CPVL: variants seen among roughly 807,000 people sequenced by gnomAD.
CPVL encodes the protein carboxypeptidase vitellogenic like, also known as probable serine carboxypeptidase CPVL.
CPVL carries 51 observed loss-of-function variants against 63.7 expected under a neutral mutation model. The ratio of observed to expected loss-of-function variants is 0.80; its 90% confidence interval spans 0.64 to 1.01. The LOEUF is 1.01. Among genes scored for constraint, CPVL ranks in the 50% least tolerant of loss-of-function variants. The pLI, the probability that CPVL is intolerant of heterozygous loss-of-function variation, is 0.00. For missense variants in CPVL, 530 were observed against 573.1 expected (o/e 0.92, Z 0.77); for synonymous variants, 195 against 206.0 (o/e 0.95, Z 0.46).
At position 29,019,134 on chromosome 7, in the gene CPVL, T is replaced by C. The variant is rs117421744; in HGVS notation, c.1320+11443A>G. ...CTGAAAGACACTACACTATTCCACA[T>C]TGCATTGCTGGCTGAGCCCCTCTGG... On this transcript the variant is annotated intron_variant, in intron 12 of 12. Transcript: ENST00000265394. 2.6e-3 allele frequency among the ~76,000 whole-genome samples: 403 copies of C among 152,242 alleles called. 7 individuals carry two copies. The East Asian group carries it at 0.028, about 10-fold the overall frequency.
At chr7:29,036,696 T>C (rs1468789590) in intron 11 of CPVL, among the ~76,000 whole-genome samples, 1 of 152,224 alleles carries the variant, frequency 6.6e-6, no homozygotes, top group Non-Finnish European at 1.5e-5. Flanking sequence ...AGCCTGGAAT[T>C]CAAAATCACA....
At chr7:29,024,992 A>G (rs1201184200) in intron 12 of CPVL, among the ~76,000 whole-genome samples, 1 of 152,260 alleles carries the variant, frequency 6.6e-6, no homozygotes, top group East Asian at 1.9e-4. Context: ...AAGCAATAAA[A>G]GAGGAAGAAC....
intron 1 of CPVL, among the ~76,000 whole-genome samples, chr7:29,140,788 C>T (rs1015946840): frequency 1.3e-5 from 2 of 152,118 alleles, no homozygotes; most frequent in Admixed American, 6.5e-5. Context: ...AAAAAGTGAC[C>T]TTAGACAGGC....
upstream of CPVL, chr7:29,146,560 C>G (rs1338974548): frequency 6.5e-7 from 1 of 1,535,148 alleles, no homozygotes; most frequent in Non-Finnish European, 8.8e-7. Flanking sequence ...GAACTCGAGC[C>G]TTTAAGCGCT....
intron 11 of CPVL, among the ~76,000 whole-genome samples, chr7:29,037,282 C>T (rs1226258857): frequency 6.6e-6 from 1 of 152,000 alleles, no homozygotes; most frequent in African/African-American, 2.4e-5. Flanking sequence ...TGGTGGCTCA[C>T]ACCTATAATC....
chr7:29,178,422 C>T (rs1342670091), intron 5 of CPVL, among the ~76,000 whole-genome samples: 3 of 152,106 alleles, frequency 2.0e-5, no homozygotes, highest in African/African-American at 4.8e-5. Flanking sequence ...CTCCACTGGC[C>T]GCCTTTCCTG....
chr7:28,996,549 C>CAA (rs549584191), intron 12 of CPVL, among the ~76,000 whole-genome samples: 4 of 113,558 alleles, frequency 3.5e-5, no homozygotes, highest in African/African-American at 5.8e-5. Context: ...AACCAAAAAA[C>CAA]AAAAAAAAAA....
chr7:29,121,309 T>TG (rs1789348786), intron 1 of CPVL, among the ~76,000 whole-genome samples: 1 of 148,830 alleles, frequency 6.7e-6, no homozygotes, highest in Non-Finnish European at 1.5e-5. Context: ...AATTACTGAT[T>TG]TTTTTTTTTT....
intron 3 of CPVL, among the ~76,000 whole-genome samples, chr7:29,100,350 T>C (rs1477507773): frequency 1.3e-5 from 2 of 152,212 alleles, no homozygotes; most frequent in African/African-American, 4.8e-5. Context: ...TCCCAGAGAT[T>C]CCAATTCCAT....
chr7:29,181,507 A>C (rs894461228), intron 4 of CPVL: 1 of 152,258 alleles, frequency 6.6e-6, no homozygotes, highest in Non-Finnish European at 1.5e-5. Flanking sequence ...GAAACAACCT[A>C]AATTTCAATC....
intron 5 of CPVL, among the ~76,000 whole-genome samples, chr7:29,160,750 G>A (rs531905507): frequency 1.3e-5 from 2 of 152,250 alleles, no homozygotes; most frequent in Non-Finnish European, 2.9e-5. Context: ...GAGAGGAAGG[G>A]CTAAAAGAGC....
Position 29,071,827 on chromosome 7 carries a change from C to A in CPVL, c.810G>T (p.Gln270His), listed in dbSNP as rs755368190. Residue 270 changes from glutamine to histidine, a missense_variant, in exon 9 of 13, where the codon CAG becomes CAT. Coordinates refer to ENST00000265394, the MANE Select transcript of CPVL (RefSeq NM_031311.5). Reference protein sequence around the residue: ...DEKQKKYFQKQCHECIEHIRK... With the variant: ...DEKQKKYFQKHCHECIEHIRK... ...TGATGTGTTCTATGCATTCATGGCA[C>A]TGCTTCTGGAAGTACTTTTTTTGCT... is the stretch of plus-strand genomic sequence containing the variant. 6.2e-7 allele frequency: 1 copy of A among 1,613,732 alleles called. No individual in the cohort carries two copies. The highest frequency in any genetic ancestry group is 1.7e-5 in the Admixed American group (1 of 59,976).
intron 5 of CPVL, among the ~76,000 whole-genome samples, chr7:29,153,085 A>G (rs1348079120): frequency 6.6e-6 from 1 of 152,248 alleles, no homozygotes; most frequent in African/African-American, 2.4e-5. Context: ...ACAGAACTTC[A>G]GGAAGTCTCA....
intron 11 of CPVL, among the ~76,000 whole-genome samples, chr7:29,039,143 C>T (rs186485334): frequency 2.6e-5 from 4 of 152,288 alleles, no homozygotes; most frequent in Admixed American, 1.3e-4. Flanking sequence ...GTCAGTTTCA[C>T]TTAAACCTTT....
At chr7:29,020,842 A>G (rs12700921) in intron 12 of CPVL, among the ~76,000 whole-genome samples, 24,235 of 152,230 alleles carry the variant, frequency 0.16, 1,982 homozygotes, top group Middle Eastern at 0.24. Flanking sequence ...GCTAATTACT[A>G]AAAACACCAG....
intron 12 of CPVL, among the ~76,000 whole-genome samples, chr7:28,999,630 AAGGGGTC>A (rs1784416213): frequency 6.6e-6 from 1 of 152,170 alleles, no homozygotes; most frequent in African/African-American, 2.4e-5. Flanking sequence ...AGGAGCGCTG[AAGGGGTC>A]AGGTGTTCTT....
rs1466486218 is a variant in CPVL at position 29,055,049 on chromosome 7, G to GTTTTATCTC, written c.1137+9003_1137+9011dup. On this transcript the variant is annotated intron_variant, in intron 11 of 12. Transcript: ENST00000265394. Reference sequence around the variant, plus strand: ...GCCTTCAAATATTTCATACATAGTTGTTTTATCTCTCATATGTCCTATATC... The same window carrying GTTTTATCTC: ...GCCTTCAAATATTTCATACATAGTTGTTTTATCTCTTTTATCTCTCATATGTCCTATATC... Among the ~76,000 whole-genome samples, 8 of 152,112 alleles carry GTTTTATCTC rather than the reference G, an allele frequency of 5.3e-5. No individual in the cohort carries two copies. In the East Asian group the frequency reaches 1.4e-3, roughly 26 times the overall value.
intron 2 of CPVL, among the ~76,000 whole-genome samples, chr7:29,115,979 C>G (rs1311006902): frequency 6.6e-6 from 1 of 152,134 alleles, no homozygotes; most frequent in Non-Finnish European, 1.5e-5. Flanking sequence ...ATGTTTCAGA[C>G]CTTCCCTCCT....
At chr7:29,166,054 C>T (rs1433560771) in intron 5 of CPVL, among the ~76,000 whole-genome samples, 1 of 151,994 alleles carries the variant, frequency 6.6e-6, no homozygotes, top group South Asian at 2.1e-4. Context: ...TGTTTTTAGA[C>T]AGGGTCTCAC....
Sources: gnomAD v4.1 joint callset for allele counts (sites outside exome capture counted in the v4.1 genomes callset) on GRCh38, gnomAD v4.1.1 for gene constraint, MANE v1.5 for transcripts, NCBI Gene and HGNC (gene_info 2026-07-23, HGNC 2026-07-21) for gene names.